The following PRKN variants were observed in gnomAD, a reference collection of about 807,000 sequenced individuals.
The protein encoded by PRKN is E3 ubiquitin-protein ligase parkin.
Under a neutral mutation model 59.5 loss-of-function variants are expected in PRKN, and 56 were observed. The observed-to-expected ratio is 0.94, with a 90% CI of 0.76 to 1.18. The LOEUF is 1.18. PRKN is among the 50% of genes most tolerant of loss of function. The probability of loss-of-function intolerance (pLI) is 0.00; values close to 1 mark genes in which losing one functional copy is unlikely to be tolerated. For synonymous variants in PRKN, 250 were observed against 222.1 expected (o/e 1.13, Z -1.12); for missense variants, 657 against 596.4 (o/e 1.10, Z -1.06).
intron 1 of PRKN, among the ~76,000 whole-genome samples, chr6:162,550,341 G>A (rs1779289661): frequency 2.0e-5 from 3 of 152,198 alleles, no homozygotes; most frequent in Admixed American, 6.5e-5. Context: ...CTGGGGGCTA[G>A]ACAGGGAAAG....
At chr6:162,592,161 G>A (rs748312104) in intron 1 of PRKN, among the ~76,000 whole-genome samples, 1 of 152,030 alleles carries the variant, frequency 6.6e-6, no homozygotes, top group Non-Finnish European at 1.5e-5. Flanking sequence ...CACCACGCCC[G>A]GGTAATTTTG....
At chr6:161,489,538 C>T (rs111790967) in intron 9 of PRKN, among the ~76,000 whole-genome samples, 2,236 of 152,008 alleles carry the variant, frequency 0.015, 53 homozygotes, top group African/African-American at 0.051. Context: ...CCAGCCTGGG[C>T]GAAAGAGCAA....
intron 3 of PRKN, among the ~76,000 whole-genome samples, chr6:162,242,990 C>G (rs182763875): frequency 1.3e-5 from 2 of 151,640 alleles, no homozygotes; most frequent in African/African-American, 4.8e-5. Context: ...GCCTATTACC[C>G]AAAGAGCTGT....
At chr6:162,136,818 T>C (rs1157867955) in intron 4 of PRKN, among the ~76,000 whole-genome samples, 6 of 152,198 alleles carry the variant, frequency 3.9e-5, no homozygotes, top group African/African-American at 1.4e-4. Context: ...CCTCTGCTTA[T>C]TGTTTATTGT....
intron 5 of PRKN, among the ~76,000 whole-genome samples, chr6:161,993,270 T>C (rs1365514186): frequency 6.6e-6 from 1 of 152,088 alleles, no homozygotes; most frequent in East Asian, 1.9e-4. Flanking sequence ...TAGGAGACAT[T>C]ACCACTAGCA....
At chr6:162,526,761 A>G (rs915654812) in intron 1 of PRKN, among the ~76,000 whole-genome samples, 36 of 152,186 alleles carry the variant, frequency 2.4e-4, no homozygotes, top group Non-Finnish European at 2.9e-5. Context: ...ACAGGCCCAG[A>G]GAGGCCTGGA....
intron 6 of PRKN, among the ~76,000 whole-genome samples, chr6:161,798,478 C>T (rs780153956): frequency 6.6e-5 from 10 of 152,272 alleles, no homozygotes; most frequent in Non-Finnish European, 1.0e-4. Flanking sequence ...AGAGGTATTG[C>T]CATCTTCAAT....
rs1379606416 is a variant in PRKN, at chr6:162,376,584, C to T, written c.171+66726G>A. Reference sequence around the variant, plus strand: ...ACAAATGAATACCTGGGGCCAGGGGCCTCCAGAGAGGGGAGTTACTACACC... The same window carrying T: ...ACAAATGAATACCTGGGGCCAGGGGTCTCCAGAGAGGGGAGTTACTACACC... On this transcript the variant is annotated intron_variant, in intron 2 of 11. Transcript: ENST00000366898. 2.0e-5 allele frequency among the ~76,000 whole-genome samples: 3 copies of T among 151,288 alleles called. No homozygotes were observed. In the South Asian group the frequency reaches 6.3e-4, roughly 32 times the overall value.
chr6:161,933,784 C>G (rs951658172), intron 6 of PRKN, among the ~76,000 whole-genome samples: 13 of 151,964 alleles, frequency 8.6e-5, no homozygotes, highest in Non-Finnish European at 1.3e-4. Context: ...TTTCAGGGAA[C>G]CCCAGAAGTC....
At chr6:162,358,810 A>C (rs1784993114) in intron 2 of PRKN, among the ~76,000 whole-genome samples, 1 of 152,182 alleles carries the variant, frequency 6.6e-6, no homozygotes, top group East Asian at 1.9e-4. Context: ...CTGTAATCCC[A>C]GCACTTTGGG....
Position 161,550,390 on chromosome 6 carries a change from C to G in PRKN, c.934-1387G>C, listed in dbSNP as rs548754553. On this transcript the variant is annotated intron_variant, in intron 8 of 11. Transcript: ENST00000366898. The surrounding 1 kb of genome is among the most constrained non-coding windows in gnomAD (Gnocchi z 4.0). Reference sequence around the variant, plus strand: ...TGACTAATATTTTAAAGACATCCACCTGGCTGCTATGTTCGGAATACCCTC... The same window carrying G: ...TGACTAATATTTTAAAGACATCCACGTGGCTGCTATGTTCGGAATACCCTC... Among the ~76,000 whole-genome samples the G allele has an allele frequency of 2.6e-4, 40 of 152,268 alleles. 1 individual carries two copies. The South Asian group carries it at 6.2e-3, about 24-fold the overall frequency.
intron 4 of PRKN, among the ~76,000 whole-genome samples, chr6:162,074,678 G>C (rs1020004265): frequency 6.6e-6 from 1 of 152,088 alleles, no homozygotes; most frequent in Admixed American, 6.6e-5. Context: ...TAGTGTAAGT[G>C]AAGTGACTCG....
At chr6:162,202,976 G>T (rs1784792910) in intron 3 of PRKN, among the ~76,000 whole-genome samples, 1 of 151,896 alleles carries the variant, frequency 6.6e-6, no homozygotes, top group South Asian at 2.1e-4. Context: ...ACAATAAAAA[G>T]AAAAAAGGAG....
intron 1 of PRKN, among the ~76,000 whole-genome samples, chr6:162,500,627 C>A (rs531846093): frequency 1.3e-5 from 2 of 152,292 alleles, no homozygotes; most frequent in East Asian, 3.9e-4. Flanking sequence ...TCAGTAGAGT[C>A]TCTTTTCTTA....
At chr6:161,555,313 C>T (rs1780192560) in intron 8 of PRKN, among the ~76,000 whole-genome samples, 1 of 152,064 alleles carries the variant, frequency 6.6e-6, no homozygotes, top group Non-Finnish European at 1.5e-5. Context: ...TTCCATTGTC[C>T]ATAAGGATGC....
At chr6:162,461,824 TAA>T (rs72377172) in intron 1 of PRKN, among the ~76,000 whole-genome samples, 34 of 139,376 alleles carry the variant, frequency 2.4e-4, no homozygotes, top group Admixed American at 5.7e-4. Flanking sequence ...AGACTTCGTC[TAA>T]AAAAAAAAAA....
intron 2 of PRKN, among the ~76,000 whole-genome samples, chr6:162,432,401 C>G (rs1256924563): frequency 3.3e-5 from 5 of 152,030 alleles, no homozygotes; most frequent in Non-Finnish European, 5.9e-5. Context: ...TGGCACGCAG[C>G]TGTAATCCCA....
chr6:161,536,216 G>A (rs1244505754), intron 9 of PRKN, among the ~76,000 whole-genome samples: 1 of 152,092 alleles, frequency 6.6e-6, no homozygotes, highest in East Asian at 1.9e-4. Context: ...GAAAGGAAAT[G>A]TATCATATCC....
At chr6:162,543,853 G>A (rs1314099454) in intron 1 of PRKN, among the ~76,000 whole-genome samples, 2 of 152,124 alleles carry the variant, frequency 1.3e-5, no homozygotes, top group South Asian at 2.1e-4. Context: ...AAAAAAACAT[G>A]GCAAGGTGCA....
Sources: gnomAD v4.1 joint callset for allele counts (sites outside exome capture counted in the v4.1 genomes callset) on GRCh38, gnomAD v4.1.1 for gene constraint, Gnocchi (gnomAD v3.1) non-coding constraint, MANE v1.5 for transcripts, NCBI Gene and HGNC (gene_info 2026-07-23, HGNC 2026-07-21) for gene names.